The following INPP5F variants were observed in gnomAD, a reference collection of about 807,000 sequenced individuals.
INPP5F encodes phosphatidylinositide 4-phosphatase SAC2.
Under a neutral mutation model 137.2 loss-of-function variants are expected in INPP5F, and 97 were observed. The observed-to-expected ratio is 0.71, with a 90% confidence interval of 0.60 to 0.84. The LOEUF (loss-of-function observed/expected upper bound fraction) is 0.84, where lower values mean the gene tolerates loss of function less well. Ranked by LOEUF, INPP5F falls within the 40% of genes least tolerant of loss-of-function variation. The pLI, the probability that INPP5F is intolerant of heterozygous loss-of-function variation, is 0.00. For missense variants in INPP5F, 1,271 were observed against 1,371.9 expected (o/e 0.93, Z 1.16); for synonymous variants, 504 against 476.9 (o/e 1.06, Z -0.74).
chr10:119,755,329 G>T (rs1444331521), intron 2 of INPP5F, among the ~76,000 whole-genome samples: 1 of 152,174 alleles, frequency 6.6e-6, no homozygotes, highest in Non-Finnish European at 1.5e-5. Flanking sequence ...CTTGTACATG[G>T]CCACCATCCC....
Position 119,769,151 on chromosome 10 carries a change from A to G in INPP5F, c.179-12484A>G, listed in dbSNP as rs72826412. Among the ~76,000 whole-genome samples, 350 of 152,324 alleles carry G rather than the reference A, an allele frequency of 2.3e-3. 4 individuals carry two copies. Among genetic ancestry groups the G allele is most frequent in the South Asian group, 6.8e-3 (33 of 4,828 alleles). ...CTATATAATGTTAATAAAAATAAAA[A>G]TGATTGCTGGACATGCATTGGTGGA... is the stretch of plus-strand genomic sequence containing the variant. On this transcript the variant is annotated intron_variant, in intron 2 of 19. Coordinates refer to ENST00000650623, the MANE Select transcript of INPP5F (RefSeq NM_014937.4).
chr10:119,735,849 C>T (rs1001123502), intron 1 of INPP5F, among the ~76,000 whole-genome samples: 1 of 152,192 alleles, frequency 6.6e-6, no homozygotes, highest in Admixed American at 6.5e-5. Context: ...ATTCTGTGGG[C>T]CAGGCGCAGT....
chr10:119,732,481 CTTTTCTTTTTTCTT>C lies in INPP5F; in HGVS notation c.97+6134_97+6147del, dbSNP rs71482612. Among the ~76,000 whole-genome samples, 10 of 128,452 alleles carry C rather than the reference CTTTTCTTTTTTCTT, an allele frequency of 7.8e-5. No homozygotes were observed. The East Asian group carries it at 1.6e-3, about 21-fold the overall frequency. The allele number at this position is 128,452 out of a possible 152,430, so 84.3% of individuals were successfully genotyped here. On this transcript the variant is annotated intron_variant, in intron 1 of 19. Coordinates refer to ENST00000650623, the MANE Select transcript of INPP5F (RefSeq NM_014937.4). ...AATAACAGCTTTTATTTCTTGAGCACTTTTCTTTTTTCTTTTTTCTTTTTTTTTTTTTTTTTGAG... is the reference window on the plus strand; with the variant it reads ...AATAACAGCTTTTATTTCTTGAGCACTTTTCTTTTTTTTTTTTTTTTTGAG...
intron 3 of INPP5F, among the ~76,000 whole-genome samples, chr10:119,788,004 A>T (rs1849985165): frequency 6.6e-6 from 1 of 152,184 alleles, no homozygotes; most frequent in Non-Finnish European, 1.5e-5. Context: ...TGGGCAAAAG[A>T]TAGGGATCTG....
At chr10:119,796,653 G>T in intron 6 of INPP5F, 62 bp from the exon 7 acceptor site, 1 of 1,223,820 alleles carries the variant, frequency 8.2e-7, no homozygotes, top group Non-Finnish European at 1.2e-6. Context: ...CTACTGTTTG[G>T]GTTTAAGAAA....
At chr10:119,775,805 A>T (rs542602373) in intron 2 of INPP5F, among the ~76,000 whole-genome samples, 1 of 152,160 alleles carries the variant, frequency 6.6e-6, no homozygotes, top group Non-Finnish European at 1.5e-5. Context: ...AGGGAAGTTT[A>T]AAAAAAATCC....
intron 9 of INPP5F, among the ~76,000 whole-genome samples, chr10:119,800,063 T>C (rs1850526266): frequency 6.6e-6 from 1 of 151,672 alleles, no homozygotes; most frequent in East Asian, 1.9e-4. Flanking sequence ...CTGTTGTAAA[T>C]ATTATTAAAA....
chr10:119,732,609 C>G (rs945529946), intron 1 of INPP5F, among the ~76,000 whole-genome samples: 11 of 145,196 alleles, frequency 7.6e-5, no homozygotes, highest in African/African-American at 2.6e-4. Context: ...AAGCAGTTCT[C>G]TCTGCCTCAG....
At chr10:119,816,872 C>A (rs1222594632) in intron 15 of INPP5F, among the ~76,000 whole-genome samples, 1 of 152,138 alleles carries the variant, frequency 6.6e-6, no homozygotes, top group Non-Finnish European at 1.5e-5. Flanking sequence ...ATATAATTCA[C>A]CTATTTAAAA....
chr10:119,733,048 G>A (rs887716028), intron 1 of INPP5F, among the ~76,000 whole-genome samples: 3 of 152,130 alleles, frequency 2.0e-5, no homozygotes, highest in African/African-American at 7.2e-5. Flanking sequence ...AAAATGTTTT[G>A]TGAACCTTTC....
rs1248308749 is a variant in INPP5F at position 119,827,036 on chromosome 10, A to C, written c.2655A>C (p.Ile885=). 6.2e-7 allele frequency: 1 copy of C among 1,614,032 alleles called. No individual in the cohort carries two copies. Among genetic ancestry groups the C allele is most frequent in the Non-Finnish European group, 8.5e-7 (1 of 1,179,980 alleles). ...LANSLESVGP[I]DYVLPSCGII... ...ACTCATTAGAGAGTGTAGGGCCAAT[A>C]GATTACGTTCTTCCTAGTTGTGGTA... The change falls in exon 20 of 20, where the codon ATA becomes ATC. Residue 885 remains isoleucine (I), a synonymous_variant. Transcript: ENST00000650623.
intron 1 of INPP5F, among the ~76,000 whole-genome samples, chr10:119,728,505 T>G (rs1256058075): frequency 6.6e-6 from 1 of 152,242 alleles, no homozygotes; most frequent in African/African-American, 2.4e-5. Context: ...GTGACAGCAT[T>G]TAAAATCTTT....
chr10:119,827,143 T>C lies in INPP5F; in HGVS notation c.2762T>C (p.Ile921Thr). Residue 921 changes from isoleucine to threonine, a missense_variant, in exon 20 of 20, where the codon ATT (isoleucine) becomes ACT (threonine). Transcript: ENST00000650623. ...TDSSVHAPSE[I>T]TVAHGSGLGK... ...AGTAGCGTTCATGCTCCTTCAGAGA[T>C]TACTGTTGCTCATGGGAGTGGGCTT... The C allele has an allele frequency of 6.2e-7, 1 of 1,614,132 alleles. No homozygotes were observed. The highest frequency in any genetic ancestry group is 8.5e-7 in the Non-Finnish European group (1 of 1,180,038).
At chr10:119,757,177 C>T (rs998029740) in intron 2 of INPP5F, among the ~76,000 whole-genome samples, 5 of 152,066 alleles carry the variant, frequency 3.3e-5, no homozygotes, top group Admixed American at 6.6e-5. Context: ...TGGGTTCAAG[C>T]GATTCTCCTG....
Position 119,792,352 on chromosome 10 carries a change from T to A in INPP5F, c.669+139T>A, listed in dbSNP as rs1287692066. ...TTAAAGATCACTACGTTTTCCCCTA[T>A]GGAATGGGAATCATTTAGCCAGGAA... On this transcript the variant is annotated intron_variant, in intron 6 of 19. Coordinates refer to ENST00000650623, the MANE Select transcript of INPP5F (RefSeq NM_014937.4). 4.4e-6 allele frequency: 3 copies of A among 675,090 alleles called. No homozygotes were observed. In the African/African-American group the frequency reaches 5.4e-5, roughly 12 times the overall value. The allele number at this position is 675,090 out of a possible 1,614,324, so 41.8% of individuals were successfully genotyped here.
intron 2 of INPP5F, among the ~76,000 whole-genome samples, chr10:119,774,113 T>C (rs1212421293): frequency 1.3e-5 from 2 of 151,706 alleles, no homozygotes; most frequent in South Asian, 2.1e-4. Context: ...AATAAAAAAA[T>C]TAGCTAGGCA....
chr10:119,781,124 A>T (rs1346048669), intron 2 of INPP5F, among the ~76,000 whole-genome samples: 1 of 152,226 alleles, frequency 6.6e-6, no homozygotes, highest in Non-Finnish European at 1.5e-5. Flanking sequence ...GTATCTGGAC[A>T]TTAGGCTGTT....
intron 3 of INPP5F, among the ~76,000 whole-genome samples, chr10:119,785,286 G>GTTTTTT (rs71019717): frequency 0.024 from 2,537 of 106,156 alleles, 221 homozygotes; most frequent in Non-Finnish European, 0.036. Flanking sequence ...CTGCCAGACT[G>GTTTTTT]TTTTTTTTTT....
intron 1 of INPP5F, among the ~76,000 whole-genome samples, chr10:119,744,997 T>C (rs202019236): frequency 0.065 from 181 of 2,778 alleles, 1 homozygote; most frequent in Non-Finnish European, 0.12. Flanking sequence ...GTTTTTTTTC[T>C]TTTTTTTTTT....
Sources: gnomAD v4.1 joint callset for allele counts (sites outside exome capture counted in the v4.1 genomes callset) on GRCh38, gnomAD v4.1.1 for gene constraint, MANE v1.5 for transcripts, NCBI Gene and HGNC (gene_info 2026-07-23, HGNC 2026-07-21) for gene names.